The following ANKRD61 variants were observed in gnomAD, a reference collection of about 807,000 sequenced individuals.
The protein encoded by ANKRD61 is ankyrin repeat domain-containing protein 61.
ANKRD61 carries 7 observed loss-of-function variants against 8.4 expected under a neutral mutation model. The ratio of observed to expected loss-of-function variants is 0.84; its 90% CI spans 0.48 to 1.57. ANKRD61 has a LOEUF of 1.57. Among genes scored for constraint, ANKRD61 ranks in the 40% most tolerant of loss-of-function variants. The pLI, the probability that ANKRD61 is intolerant of heterozygous loss-of-function variation, is 0.00. For missense variants in ANKRD61, 516 were observed against 523.4 expected, an observed-to-expected ratio of 0.99 and a Z score of 0.14; for synonymous variants, 198 against 208.0, an observed-to-expected ratio of 0.95 and a Z score of 0.41.
rs1787986908 is a variant in ANKRD61, at chr7:6,033,862, C to G, written c.314+926C>G. On this transcript the variant is annotated intron_variant, in intron 2 of 2. Coordinates refer to ENST00000409061, the MANE Select transcript of ANKRD61 (RefSeq NM_001271700.2). This position sits in a 1 kb window ranked among gnomAD's most constrained non-coding sequence, Gnocchi z 4.4. ...GGGATTACAGGCGTGAGCCGCCGTGCCTGGCCGACAATGGATTTTCTTGTT... is the reference window on the plus strand; with the variant it reads ...GGGATTACAGGCGTGAGCCGCCGTGGCTGGCCGACAATGGATTTTCTTGTT... Among the ~76,000 whole-genome samples the G allele has an allele frequency of 6.6e-6, 1 of 151,774 alleles. No homozygotes were observed. Among genetic ancestry groups the G allele is most frequent in the Non-Finnish European group, 1.5e-5 (1 of 67,954 alleles).
rs1177745638 is a variant in ANKRD61, at chr7:6,036,167, C to T, written c.1038C>T (p.Asn346=). ...CTTATCCTCTGAGAATGACCAATAA[C>T]CAAGGAATTCTACCTGCAGGAATCA... ...YHTYPLRMTN[N]QGILPAGIML... is the part of the protein sequence containing the mutation. The change falls in exon 3 of 3, where the codon AAC becomes AAT. Residue 346 remains asparagine (N), a synonymous_variant. Transcript: ENST00000409061. This position sits in a 1 kb window ranked among gnomAD's most constrained non-coding sequence, Gnocchi z 4.6. 6.5e-7 allele frequency: 1 copy of T among 1,549,842 alleles called. No individual in the cohort carries two copies. Among genetic ancestry groups the T allele is most frequent in the Non-Finnish European group, 8.7e-7 (1 of 1,146,598 alleles).
rs1465393832 is a variant in ANKRD61 at position 6,033,518 on chromosome 7, G to T, written c.314+582G>T. Among the ~76,000 whole-genome samples the T allele has an allele frequency of 6.6e-6, 1 of 152,142 alleles. No homozygotes were observed. The highest frequency in any genetic ancestry group is 1.5e-5 in the Non-Finnish European group (1 of 68,020). ...AGGAATGCAGTAAAGTCCTTGCCAT[G>T]GCCTTCAATAAGTTTAACCACCAAA... is the stretch of plus-strand genomic sequence containing the variant. On this transcript the variant is annotated intron_variant, in intron 2 of 2. Transcript: ENST00000409061. This position sits in a 1 kb window ranked among gnomAD's most constrained non-coding sequence, Gnocchi z 4.4.
chr7:6,035,492 A>C lies in ANKRD61; in HGVS notation c.363A>C (p.Pro121=). 1 of 1,551,098 alleles carries C rather than the reference A, an allele frequency of 6.4e-7. No individual in the cohort carries two copies. The highest frequency in any genetic ancestry group is 1.2e-5 in the South Asian group (1 of 84,066). ...TTLNLMLLHW[P]VTSTTWAKPG... ...TCAACTTAATGCTACTGCACTGGCCAGTCACTTCCACCACGTGGGCAAAAC... is the reference window on the plus strand; with the variant it reads ...TCAACTTAATGCTACTGCACTGGCCCGTCACTTCCACCACGTGGGCAAAAC... Residue 121 remains proline (P), a synonymous_variant, in exon 3 of 3, where the codon CCA becomes CCC. Coordinates refer to ENST00000409061, the MANE Select transcript of ANKRD61 (RefSeq NM_001271700.2). The surrounding 1 kb of genome is among the most constrained non-coding windows in gnomAD (Gnocchi z 5.5).
intron 2 of ANKRD61, among the ~76,000 whole-genome samples, chr7:6,034,900 C>CA (rs1170083667): frequency 2.0e-5 from 3 of 152,152 alleles, no homozygotes; most frequent in East Asian, 3.9e-4. Context: ...CCTACACACT[C>CA]ACGCAGAAAA....
In ANKRD61 at chr7:6,032,912, G is replaced by A. The variant is rs950422656; in HGVS notation, c.290G>A (p.Arg97Gln). The A allele has an allele frequency of 1.0e-5, 16 of 1,550,678 alleles. No homozygotes were observed. The highest frequency in any genetic ancestry group is 3.3e-4 in the Middle Eastern group (2 of 6,018). ...GCCCAGAGTCTGCTCTGCCTGTTAC[G>A]GCACGGTGCTGACCCAGAAGTCAGG... ...HKAQSLLCLLRHGADPEVRDT... is the reference protein window; with the variant it reads ...HKAQSLLCLLQHGADPEVRDT... The change falls in exon 2 of 3, where the codon CGG (arginine) becomes CAG (glutamine). Residue 97 changes from arginine (R) to glutamine (Q), a missense_variant. Physicochemically the swap from Arg to Gln is conservative, Grantham distance 43 (BLOSUM62 1). Transcript: ENST00000409061. This position sits in a 1 kb window ranked among gnomAD's most constrained non-coding sequence, Gnocchi z 4.3.
chr7:6,034,435 C>T (rs899735135), intron 2 of ANKRD61, among the ~76,000 whole-genome samples: 4 of 152,108 alleles, frequency 2.6e-5, no homozygotes, highest in Non-Finnish European at 5.9e-5. Flanking sequence ...CTCTGGAAGT[C>T]CCTTCCACAT....
chr7:6,036,285 A>T lies in ANKRD61; in HGVS notation c.1156A>T (p.Asn386Tyr). ...GGGTATCTGCAAAAGAAACATCAGG[A>T]ATATTTATGGTGAGAAATACAAACA... is the stretch of plus-strand genomic sequence containing the variant. ...LQGICKRNIR[N>Y]IYGEKYKQHL... Residue 386 changes from asparagine (N) to tyrosine (Y), a missense_variant, in exon 3 of 3, where the codon AAT becomes TAT. By Grantham distance (143) the Asn-to-Tyr change is moderately radical. Transcript: ENST00000409061. The surrounding 1 kb of genome is among the most constrained non-coding windows in gnomAD (Gnocchi z 4.6). The T allele has an allele frequency of 6.5e-7, 1 of 1,549,594 alleles. No individual in the cohort carries two copies.
intron 2 of ANKRD61, among the ~76,000 whole-genome samples, chr7:6,034,983 T>G (rs1048464541): frequency 1.3e-5 from 2 of 152,124 alleles, no homozygotes; most frequent in Non-Finnish European, 2.9e-5. Flanking sequence ...CACGGCTCAC[T>G]TCTGTGGCAA....
At position 6,035,030 on chromosome 7, in the gene ANKRD61, A is replaced by C. The variant is rs1788035737; in HGVS notation, c.315-414A>C. 6.6e-6 allele frequency among the ~76,000 whole-genome samples: 1 copy of C among 152,202 alleles called. No individual in the cohort carries two copies. The highest frequency in any genetic ancestry group is 2.1e-4 in the South Asian group (1 of 4,826). ...ACTCAAGTCCACACAATTTCACAGA[A>C]AGCCAGTAACCCAGCCCAGCACTGT... On this transcript the variant is annotated intron_variant, in intron 2 of 2. Transcript: ENST00000409061. This position sits in a 1 kb window ranked among gnomAD's most constrained non-coding sequence, Gnocchi z 5.5.
In ANKRD61 at chr7:6,032,964, C is replaced by CTT; in HGVS notation, c.314+36_314+37dup. On this transcript the variant is annotated intron_variant, in intron 2 of 2. Transcript: ENST00000409061. The surrounding 1 kb of genome is among the most constrained non-coding windows in gnomAD (Gnocchi z 4.3). ...AAGTTAACTCCACCGAAAATCATTT[C>CTT]TTTTTTTTTCTTTTTTGTTTTGAGG... 1 of 1,512,406 alleles carries CTT rather than the reference C, an allele frequency of 6.6e-7. No individual in the cohort carries two copies. The highest frequency in any genetic ancestry group is 9.0e-7 in the Non-Finnish European group (1 of 1,116,582). 93.7% of individuals were successfully genotyped at this position (1,512,406 alleles called of 1,614,324 possible).
chr7:6,035,366 C>T lies in ANKRD61; in HGVS notation c.315-78C>T. 3 of 1,301,796 alleles carry T rather than the reference C, an allele frequency of 2.3e-6. No individual in the cohort carries two copies. Among genetic ancestry groups the T allele is most frequent in the Non-Finnish European group, 3.2e-6 (3 of 949,718 alleles). 80.6% of individuals were successfully genotyped at this position (1,301,796 alleles called of 1,614,324 possible). A position where few individuals can be genotyped will look rare whatever the true frequency, so the allele number is the denominator to read the frequency against. ...GGGTCTTACTTTAAATAAATACTGG[C>T]TTCTTAAGCATTAACTGTCCACGTA... On this transcript the variant is annotated intron_variant, in intron 2 of 2. Transcript: ENST00000409061. The surrounding 1 kb of genome is among the most constrained non-coding windows in gnomAD (Gnocchi z 5.5).
In ANKRD61 at chr7:6,035,779, T is replaced by C. The variant is rs934769572; in HGVS notation, c.650T>C (p.Met217Thr). The change falls in exon 3 of 3, where the codon ATG (methionine) becomes ACG (threonine). Residue 217 changes from methionine (M) to threonine (T), a missense_variant. Coordinates refer to ENST00000409061, the MANE Select transcript of ANKRD61 (RefSeq NM_001271700.2). The surrounding 1 kb of genome is among the most constrained non-coding windows in gnomAD (Gnocchi z 5.5). Reference sequence around the variant, plus strand: ...GCAAACATGCTGAATAAGGAGATGATGGAAACGCTCATTGCCTATGGAGCA... The same window carrying C: ...GCAAACATGCTGAATAAGGAGATGACGGAAACGCTCATTGCCTATGGAGCA... ...MAANMLNKEM[M>T]ETLIAYGANV... 11 of 1,551,018 alleles carry C rather than the reference T, an allele frequency of 7.1e-6. No homozygotes were observed. The highest frequency in any genetic ancestry group is 9.6e-6 in the Non-Finnish European group (11 of 1,147,130).
In ANKRD61 at chr7:6,036,240, C is replaced by G; in HGVS notation, c.1111C>G (p.Gln371Glu). ...LLRDTLIKQS[Q>E]KPLSLQGICK... ...AAGGGACACCCTAATAAAGCAATCG[C>G]AAAAACCTTTATCCCTACAGGGTAT... is the stretch of plus-strand genomic sequence containing the variant. The change falls in exon 3 of 3, where the codon CAA becomes GAA. Residue 371 changes from glutamine (Q) to glutamate (E), a missense_variant. Physicochemically the swap from Gln to Glu is conservative, Grantham distance 29. Coordinates refer to ENST00000409061, the MANE Select transcript of ANKRD61 (RefSeq NM_001271700.2). This position sits in a 1 kb window ranked among gnomAD's most constrained non-coding sequence, Gnocchi z 4.6. 1.3e-6 allele frequency: 2 copies of G among 1,549,342 alleles called. No homozygotes were observed. The highest frequency in any genetic ancestry group is 1.7e-6 in the Non-Finnish European group (2 of 1,146,672).
At position 6,036,314 on chromosome 7, in the gene ANKRD61, C is replaced by T; in HGVS notation, c.1185C>T (p.His395=). ...TTTATGGTGAGAAATACAAACAGCA[C>T]TTGAAGCAATTCCTCCCAGTGACAA... ...RNIYGEKYKQ[H]LKQFLPVTIW... The change falls in exon 3 of 3, where the codon CAC becomes CAT. Residue 395 remains histidine, a synonymous_variant. Coordinates refer to ENST00000409061, the MANE Select transcript of ANKRD61 (RefSeq NM_001271700.2). The surrounding 1 kb of genome is among the most constrained non-coding windows in gnomAD (Gnocchi z 4.6). 6.5e-7 allele frequency: 1 copy of T among 1,545,612 alleles called. No individual in the cohort carries two copies. Among genetic ancestry groups the T allele is most frequent in the Non-Finnish European group, 8.7e-7 (1 of 1,145,460 alleles).
rs1787968970 is a variant in ANKRD61 at position 6,033,257 on chromosome 7, A to G, written c.314+321A>G. 1.3e-5 allele frequency among the ~76,000 whole-genome samples: 2 copies of G among 152,090 alleles called. No homozygotes were observed. Among genetic ancestry groups the G allele is most frequent in the Admixed American group, 1.3e-4 (2 of 15,256 alleles). On this transcript the variant is annotated intron_variant, in intron 2 of 2. Coordinates refer to ENST00000409061, the MANE Select transcript of ANKRD61 (RefSeq NM_001271700.2). The surrounding 1 kb of genome is among the most constrained non-coding windows in gnomAD (Gnocchi z 4.4). ...GTGCTGGGATTAACAGCCCTCAGCC[A>G]CAGCACCCAGCTTCACTGACAATCA... is the stretch of plus-strand genomic sequence containing the variant.
Position 6,032,206 on chromosome 7 carries a change from T to C in ANKRD61, c.216+615T>C, listed in dbSNP as rs1009735495. On this transcript the variant is annotated intron_variant, in intron 1 of 2. Transcript: ENST00000409061. This position sits in a 1 kb window ranked among gnomAD's most constrained non-coding sequence, Gnocchi z 4.3. ...AACAAACAAAAAATAGTTTTTCCCT[T>C]TTTAATATATACATTTTCATTTTCT... 4.6e-5 allele frequency among the ~76,000 whole-genome samples: 7 copies of C among 152,282 alleles called. No homozygotes were observed. The highest frequency in any genetic ancestry group is 1.4e-4 in the African/African-American group (6 of 41,562).
Position 6,035,171 on chromosome 7 carries a change from T to C in ANKRD61, c.315-273T>C, listed in dbSNP as rs1186368503. 6.6e-6 allele frequency among the ~76,000 whole-genome samples: 1 copy of C among 151,484 alleles called. No homozygotes were observed. The highest frequency in any genetic ancestry group is 1.5e-5 in the Non-Finnish European group (1 of 67,948). On this transcript the variant is annotated intron_variant, in intron 2 of 2. Transcript: ENST00000409061. The surrounding 1 kb of genome is among the most constrained non-coding windows in gnomAD (Gnocchi z 5.5). The stretch of plus-strand genomic sequence containing the variant: ...AGAAGCTGGGCCTTCTTCACAACAT[T>C]GTATAAAAGTGAAAATAATTTTTCA...
In ANKRD61 at chr7:6,035,389, G is replaced by A. The variant is rs1475084206; in HGVS notation, c.315-55G>A. ...GGCTTCTTAAGCATTAACTGTCCAC[G>A]TAGAGCCGTTCCCACTGTGAATTCA... On this transcript the variant is annotated intron_variant, in intron 2 of 2. Transcript: ENST00000409061. This position sits in a 1 kb window ranked among gnomAD's most constrained non-coding sequence, Gnocchi z 5.5. 1.8e-5 allele frequency: 27 copies of A among 1,471,616 alleles called. No homozygotes were observed. The highest frequency in any genetic ancestry group is 7.5e-5 in the East Asian group (3 of 40,248). 91.2% of individuals were successfully genotyped at this position (1,471,616 alleles called of 1,614,324 possible).
In ANKRD61 at chr7:6,032,622, G is replaced by C. The variant is rs964916615; in HGVS notation, c.217-217G>C. Among the ~76,000 whole-genome samples the C allele has an allele frequency of 3.3e-5, 5 of 152,126 alleles. No homozygotes were observed. The highest frequency in any genetic ancestry group is 7.2e-5 in the African/African-American group (3 of 41,410). ...TTATTTCTGTTGCCTCAGTAAATGT[G>C]CATTTCTGTGAAACACAGATTTTAT... On this transcript the variant is annotated intron_variant, in intron 1 of 2. Transcript: ENST00000409061. The surrounding 1 kb of genome is among the most constrained non-coding windows in gnomAD (Gnocchi z 4.3).
Sources: gnomAD v4.1 joint callset for allele counts (sites outside exome capture counted in the v4.1 genomes callset) on GRCh38, gnomAD v4.1.1 for gene constraint, Gnocchi (gnomAD v3.1) non-coding constraint, MANE v1.5 for transcripts, NCBI Gene and HGNC (gene_info 2026-07-23, HGNC 2026-07-21) for gene names.